Variants in LARGE1 observed in about 807,000 individuals in gnomAD.
LARGE1 encodes the protein xylosyl- and glucuronyltransferase LARGE1.
In LARGE1, 43 loss-of-function variants were observed where a neutral mutation model predicts 87.6. The observed-to-expected ratio is 0.49, with a 90% CI of 0.38 to 0.63. The LOEUF (loss-of-function observed/expected upper bound fraction) is 0.63. LARGE1 is among the 30% of genes least tolerant of loss of function. The probability of loss-of-function intolerance (pLI) is 0.00; values close to 1 mark genes in which losing one functional copy is unlikely to be tolerated. For missense variants in LARGE1, 802 were observed against 1,000.2 expected, an observed-to-expected ratio of 0.80 and a Z score of 2.67; for synonymous variants, 434 against 394.6, an observed-to-expected ratio of 1.10 and a Z score of -1.18.
At position 33,605,548 on chromosome 22, in the gene LARGE1, A is replaced by C. The variant is rs142505017; in HGVS notation, c.492-990T>G. On this transcript the variant is annotated intron_variant, in intron 4 of 14. Coordinates refer to ENST00000397394, the MANE Select transcript of LARGE1 (RefSeq NM_133642.5). Reference sequence around the variant, plus strand: ...GCTGTGTTGATTAAATAAAATAAGAAGTGCAAAATACGGCACATCAAAAAT... The same window carrying C: ...GCTGTGTTGATTAAATAAAATAAGACGTGCAAAATACGGCACATCAAAAAT... 1.6e-3 allele frequency among the ~76,000 whole-genome samples: 251 copies of C among 152,308 alleles called. 2 individuals are homozygous for C. The highest frequency in any genetic ancestry group is 5.9e-3 in the African/African-American group (244 of 41,572).
chr22:33,651,389 C>CAAAAAA (rs59002897), intron 2 of LARGE1, among the ~76,000 whole-genome samples: 9 of 54,308 alleles, frequency 1.7e-4, no homozygotes, highest in African/African-American at 5.6e-4. Context: ...GACTCCGTCT[C>CAAAAAA]AAAAAAAAAA....
chr22:33,836,137 C>G (rs1217392658), intron 1 of LARGE1, among the ~76,000 whole-genome samples: 1 of 152,158 alleles, frequency 6.6e-6, no homozygotes, highest in African/African-American at 2.4e-5. Flanking sequence ...TCCAGTTCAG[C>G]CTGCTTCCTA....
At chr22:33,239,155 A>G (rs1463289266) in intron 11 of LARGE1, among the ~76,000 whole-genome samples, 1 of 152,032 alleles carries the variant, frequency 6.6e-6, no homozygotes, top group Non-Finnish European at 1.5e-5. Context: ...ATAAACCATA[A>G]TAGAATACTA....
intron 11 of LARGE1, among the ~76,000 whole-genome samples, chr22:33,233,027 A>C (rs1254798769): frequency 6.6e-6 from 1 of 152,202 alleles, no homozygotes; most frequent in Non-Finnish European, 1.5e-5. Flanking sequence ...AAAAGCTTCA[A>C]AGGTTGAATG....
rs150054472 is a variant in LARGE1, at chr22:33,599,748, C to G, written c.615+4687G>C. The stretch of plus-strand genomic sequence containing the variant: ...AGAAATGCCATTTCCAACAGCTGTA[C>G]AAAGTGATTTCTTGGAGCTGTATCA... On this transcript the variant is annotated intron_variant, in intron 5 of 14. Transcript: ENST00000397394. Among the ~76,000 whole-genome samples, 116 of 152,280 alleles carry G rather than the reference C, an allele frequency of 7.6e-4. 1 individual carries two copies. The highest frequency in any genetic ancestry group is 2.7e-3 in the African/African-American group (114 of 41,560).
At chr22:33,697,885 CTG>C (rs2082299235) in intron 2 of LARGE1, among the ~76,000 whole-genome samples, 1 of 152,176 alleles carries the variant, frequency 6.6e-6, no homozygotes, top group South Asian at 2.1e-4. Flanking sequence ...GAATGAGACA[CTG>C]TGGGTGTTTC....
At chr22:33,808,775 G>T (rs2146146280) in intron 1 of LARGE1, among the ~76,000 whole-genome samples, 1 of 152,276 alleles carries the variant, frequency 6.6e-6, no homozygotes, top group Admixed American at 6.5e-5. Flanking sequence ...TGAACTGTTT[G>T]TGAACTTCCA....
At chr22:33,709,348 T>C (rs958921874) in intron 2 of LARGE1, among the ~76,000 whole-genome samples, 2 of 152,204 alleles carry the variant, frequency 1.3e-5, no homozygotes, top group Middle Eastern at 6.8e-3. Context: ...CGTCAGGCCC[T>C]GTTTTACAAA....
chr22:33,182,372 T>G (rs1220957015), intron 11 of LARGE1, among the ~76,000 whole-genome samples: 1 of 152,218 alleles, frequency 6.6e-6, no homozygotes, highest in Non-Finnish European at 1.5e-5. Context: ...TGTTTCTGTT[T>G]GTTTTCTCCC....
chr22:33,486,998 C>T (rs1295820753), intron 6 of LARGE1, among the ~76,000 whole-genome samples: 2 of 152,172 alleles, frequency 1.3e-5, no homozygotes, highest in East Asian at 1.9e-4. Flanking sequence ...ATCCAAATTG[C>T]GGACACAAAT....
chr22:33,395,178 G>T (rs931443514), intron 7 of LARGE1, among the ~76,000 whole-genome samples: 1 of 146,724 alleles, frequency 6.8e-6, no homozygotes, highest in Non-Finnish European at 1.5e-5. Flanking sequence ...GCAGTGAGCC[G>T]AGATCGCGCC....
intron 11 of LARGE1, among the ~76,000 whole-genome samples, chr22:33,174,499 C>T (rs1324190656): frequency 6.6e-6 from 1 of 152,024 alleles, no homozygotes; most frequent in Non-Finnish European, 1.5e-5. Context: ...CAGAGCAGAA[C>T]CAAAGGAGAT....
chr22:33,485,805 G>A (rs370943589), intron 6 of LARGE1, among the ~76,000 whole-genome samples: 23 of 152,026 alleles, frequency 1.5e-4, no homozygotes, highest in African/African-American at 5.3e-4. Context: ...ACTCTCAACC[G>A]CACTTACTCA....
intron 6 of LARGE1, among the ~76,000 whole-genome samples, chr22:33,450,418 A>T (rs73407373): frequency 0.22 from 33,264 of 149,632 alleles, 3,896 homozygotes; most frequent in Non-Finnish European, 0.24. Flanking sequence ...CCTGGCCAAC[A>T]TGGTGAAACC....
downstream of LARGE1, among the ~76,000 whole-genome samples, chr22:33,161,053 G>C (rs1922005457): frequency 6.6e-6 from 1 of 152,220 alleles, no homozygotes; most frequent in Non-Finnish European, 1.5e-5. Context: ...AGTTTAGCAT[G>C]GCTGGGGAGG....
rs148874674 is a variant in LARGE1, at chr22:33,795,573, C to T, written c.-82-34015G>A. Among the ~76,000 whole-genome samples the T allele has an allele frequency of 9.0e-3, 1,362 of 152,158 alleles. 13 individuals carry two copies. Among genetic ancestry groups the T allele is most frequent in the South Asian group, 0.017 (84 of 4,818 alleles). ...GACACATGCGCACGTATGTTTACTG[C>T]GGCACTATTCACAATAGCAAAGACT... On this transcript the variant is annotated intron_variant, in intron 1 of 14. Transcript: ENST00000397394.
At chr22:33,201,030 C>T (rs1022611348) in intron 11 of LARGE1, among the ~76,000 whole-genome samples, 1 of 151,978 alleles carries the variant, frequency 6.6e-6, no homozygotes, top group East Asian at 1.9e-4. Flanking sequence ...AGAATAGGGC[C>T]GGGTGCAGTG....
chr22:33,904,400 C>T (rs1159060090), intron 1 of LARGE1, among the ~76,000 whole-genome samples: 6 of 152,194 alleles, frequency 3.9e-5, no homozygotes, highest in South Asian at 2.1e-4. Flanking sequence ...GTGGTCCCCC[C>T]GCCTCGGCCT....
chr22:33,450,782 C>A (rs1405157641), intron 6 of LARGE1, among the ~76,000 whole-genome samples: 1 of 152,078 alleles, frequency 6.6e-6, no homozygotes, highest in African/African-American at 2.4e-5. Flanking sequence ...TGAGTAAAGG[C>A]CAGAACCCTT....
Sources: allele counts gnomAD v4.1 joint callset (sites outside exome capture counted in the v4.1 genomes callset), GRCh38; gene constraint gnomAD v4.1.1; transcripts MANE v1.5; gene names NCBI Gene and HGNC (gene_info 2026-07-23, HGNC 2026-07-21).